Variants in COLGALT2 observed in about 807,000 individuals in gnomAD.
The protein encoded by COLGALT2 is procollagen galactosyltransferase 2.
COLGALT2 carries 49 observed loss-of-function variants against 73.4 expected under a neutral mutation model. The observed-to-expected ratio is 0.67, with a 90% CI of 0.53 to 0.85. The LOEUF (loss-of-function observed/expected upper bound fraction) is 0.85, where lower values mean the gene tolerates loss of function less well. Among genes scored for constraint, COLGALT2 ranks in the 40% least tolerant of loss-of-function variants. The probability of loss-of-function intolerance (pLI) is 0.00; values close to 1 mark genes in which losing one functional copy is unlikely to be tolerated. For synonymous variants in COLGALT2, 295 were observed against 307.6 expected, an observed-to-expected ratio of 0.96 and a Z score of 0.43; for missense variants, 722 against 790.2, an observed-to-expected ratio of 0.91 and a Z score of 1.03.
At chr1:183,963,654 T>A (rs1447455976) in intron 6 of COLGALT2, among the ~76,000 whole-genome samples, 1 of 152,216 alleles carries the variant, frequency 6.6e-6, no homozygotes, top group Non-Finnish European at 1.5e-5. Flanking sequence ...TCAGATCTTT[T>A]GGAAAGTATT....
intron 8 of COLGALT2, among the ~76,000 whole-genome samples, chr1:183,949,375 T>C (rs1401059466): frequency 6.6e-6 from 1 of 152,192 alleles, no homozygotes; most frequent in East Asian, 1.9e-4. Flanking sequence ...GGCATAAGGA[T>C]AGACATATAG....
intron 1 of COLGALT2, among the ~76,000 whole-genome samples, chr1:184,010,535 A>G (rs185235828): frequency 1.9e-4 from 29 of 152,318 alleles, no homozygotes; most frequent in Admixed American, 1.8e-3. Flanking sequence ...AGAGGCAAAT[A>G]ATATGTTTTC....
At chr1:184,023,642 G>T (rs1457103800) in intron 1 of COLGALT2, among the ~76,000 whole-genome samples, 1 of 63,002 alleles carries the variant, frequency 1.6e-5, no homozygotes, top group South Asian at 5.1e-4. Context: ...AGTGCGTGAG[G>T]TGGGGGGGGG....
chr1:183,973,650 A>G lies in COLGALT2; in HGVS notation c.593T>C (p.Leu198Pro), dbSNP rs1355826526. 2.5e-6 allele frequency: 4 copies of G among 1,614,128 alleles called. No individual in the cohort carries two copies. The South Asian group carries it at 4.4e-5, about 18-fold the overall frequency. The change falls in exon 4 of 12, where the codon CTG becomes CCG. Residue 198 changes from leucine to proline, a missense_variant. Physicochemically the swap from Leu to Pro is moderately conservative, Grantham distance 98. Transcript: ENST00000361927. ...IVAPMLESRG[L>P]YSNFWCGITP... ...GATTCCGCACCAGAAATTAGAATAC[A>G]GGCCCCGAGACTCCAGCATGGGGGC...
intron 11 of COLGALT2, among the ~76,000 whole-genome samples, chr1:183,940,136 A>G (rs1414430050): frequency 6.6e-6 from 1 of 152,176 alleles, no homozygotes; most frequent in African/African-American, 2.4e-5. Context: ...TATCATGATG[A>G]TTTGTTCATG....
intron 4 of COLGALT2, among the ~76,000 whole-genome samples, chr1:183,970,211 A>C (rs1670999201): frequency 6.6e-6 from 1 of 152,216 alleles, no homozygotes; most frequent in Non-Finnish European, 1.5e-5. Context: ...GCACAAGCAC[A>C]CAGGACAACC....
At chr1:183,972,604 A>G (rs987599423) in intron 4 of COLGALT2, among the ~76,000 whole-genome samples, 2 of 152,214 alleles carry the variant, frequency 1.3e-5, no homozygotes, top group African/African-American at 2.4e-5. Flanking sequence ...CTTGAATTTT[A>G]TAAAAATAAC....
chr1:183,971,912 AC>A (rs1215550760), intron 4 of COLGALT2, among the ~76,000 whole-genome samples: 1 of 152,220 alleles, frequency 6.6e-6, no homozygotes, highest in African/African-American at 2.4e-5. Flanking sequence ...CCTTAGCTTA[AC>A]AACATTTAAG....
intron 1 of COLGALT2, among the ~76,000 whole-genome samples, chr1:184,004,153 G>A (rs183265243): frequency 1.5e-3 from 234 of 152,120 alleles, no homozygotes; most frequent in Admixed American, 3.2e-3. Flanking sequence ...AGCTAGCTAC[G>A]GTCTTAAAAT....
chr1:183,993,736 C>T (rs1361397504), intron 1 of COLGALT2, among the ~76,000 whole-genome samples: 1 of 152,144 alleles, frequency 6.6e-6, no homozygotes, highest in Non-Finnish European at 1.5e-5. Context: ...AGTTCATGTC[C>T]CCAGAATTTC....
rs572240050 is a variant in COLGALT2 at position 184,022,071 on chromosome 1, A to C, written c.263+15024T>G. ...TGTAACCCTTATCGTCTTAGGGCTC[A>C]AAAACTAAGGAAGGCAAATATATTT... On this transcript the variant is annotated intron_variant, in intron 1 of 11. Coordinates refer to ENST00000361927, the MANE Select transcript of COLGALT2 (RefSeq NM_015101.4). Among the ~76,000 whole-genome samples, 235 of 152,350 alleles carry C rather than the reference A, an allele frequency of 1.5e-3. 1 individual carries two copies. Among genetic ancestry groups the C allele is most frequent in the African/African-American group, 5.5e-3 (228 of 41,586 alleles).
chr1:184,030,329 C>G (rs1649470429), intron 1 of COLGALT2, among the ~76,000 whole-genome samples: 1 of 152,056 alleles, frequency 6.6e-6, no homozygotes, highest in Non-Finnish European at 1.5e-5. Context: ...ATAATTTAAA[C>G]ACATATGGTA....
chr1:183,954,899 C>T lies in COLGALT2; in HGVS notation c.953-61G>A, dbSNP rs548315477. 13 of 1,253,554 alleles carry T rather than the reference C, an allele frequency of 1.0e-5. No homozygotes were observed. The South Asian group carries it at 1.6e-4, about 15-fold the overall frequency. The allele number at this position is 1,253,554 out of a possible 1,614,324, so 77.7% of individuals were successfully genotyped here. A position where few individuals can be genotyped will look rare whatever the true frequency, so the allele number is the denominator to read the frequency against. On this transcript the variant is annotated intron_variant, in intron 6 of 11. Transcript: ENST00000361927. ...AATGAAAGGGTCAGAAATCAGAATT[C>T]CATCCGCATGCCTGATCTCTAGGGT...
chr1:183,932,770 C>G (rs1304741484), downstream of COLGALT2, among the ~76,000 whole-genome samples: 1 of 152,054 alleles, frequency 6.6e-6, no homozygotes, highest in Non-Finnish European at 1.5e-5. Flanking sequence ...GTCAAGCAGC[C>G]CTGGGCCGGA....
chr1:184,026,755 T>G (rs1649343728), intron 1 of COLGALT2, among the ~76,000 whole-genome samples: 1 of 152,166 alleles, frequency 6.6e-6, no homozygotes, highest in African/African-American at 2.4e-5. Flanking sequence ...GGGAAAAATC[T>G]AAGAAAATTA....
chr1:183,945,243 C>A (rs996408902), intron 9 of COLGALT2, among the ~76,000 whole-genome samples, 189 bp downstream of exon 9: 1 of 152,150 alleles, frequency 6.6e-6, no homozygotes, highest in Non-Finnish European at 1.5e-5. Context: ...CAAGTGGCAC[C>A]AAAGCTACTC....
chr1:184,015,473 C>T (rs1448531541), intron 1 of COLGALT2, among the ~76,000 whole-genome samples: 2 of 152,180 alleles, frequency 1.3e-5, no homozygotes, highest in Admixed American at 6.5e-5. Context: ...CAGTATTTTA[C>T]TCACTCTGAG....
intron 5 of COLGALT2, among the ~76,000 whole-genome samples, chr1:183,966,727 A>C (rs1243130509): frequency 1.3e-5 from 2 of 152,198 alleles, no homozygotes; most frequent in African/African-American, 2.4e-5. Context: ...CATGATACAG[A>C]ACCCAGATCA....
At position 183,952,009 on chromosome 1, in the gene COLGALT2, A is replaced by G. The variant is rs145191790; in HGVS notation, c.1030-896T>C. ...CATAAGAATAGACAACACGTAGACC[A>G]TGGAACAGAATAGAGAACCAGAAAT... is the stretch of plus-strand genomic sequence containing the variant. On this transcript the variant is annotated intron_variant, in intron 7 of 11. Transcript: ENST00000361927. Among the ~76,000 whole-genome samples the G allele has an allele frequency of 3.5e-3, 534 of 152,300 alleles. 3 individuals carry two copies. Among genetic ancestry groups the G allele is most frequent in the Non-Finnish European group, 3.4e-3 (230 of 68,014 alleles).
Sources: gnomAD v4.1 joint callset for allele counts (sites outside exome capture counted in the v4.1 genomes callset) on GRCh38, gnomAD v4.1.1 for gene constraint, MANE v1.5 for transcripts, NCBI Gene and HGNC (gene_info 2026-07-23, HGNC 2026-07-21) for gene names.